The following MARK1 variants were observed in gnomAD, a reference collection of about 807,000 sequenced individuals.
The protein encoded by MARK1 is serine/threonine-protein kinase MARK1.
A neutral mutation model predicts 96.3 loss-of-function variants in MARK1; 40 were observed. The ratio of observed to expected loss-of-function variants is 0.42; its 90% CI spans 0.32 to 0.54. MARK1 has a LOEUF of 0.54. Ranked by LOEUF, MARK1 falls within the 20% of genes least tolerant of loss-of-function variation. The probability of loss-of-function intolerance (pLI) is 0.16; values close to 1 mark genes in which losing one functional copy is unlikely to be tolerated. For missense variants in MARK1, 719 were observed against 984.6 expected (o/e 0.73, Z 3.61); for synonymous variants, 317 against 341.2 (o/e 0.93, Z 0.78).
At chr1:220,586,176 G>A (rs547122400) in intron 3 of MARK1, among the ~76,000 whole-genome samples, 5 of 152,204 alleles carry the variant, frequency 3.3e-5, no homozygotes, top group African/African-American at 1.2e-4. Flanking sequence ...ATGGTATAAA[G>A]GTCCTCACTT....
At chr1:220,579,105 G>C (rs1664058753) in intron 1 of MARK1, among the ~76,000 whole-genome samples, 1 of 152,036 alleles carries the variant, frequency 6.6e-6, no homozygotes, top group Non-Finnish European at 1.5e-5. Flanking sequence ...GCCTCCTTAA[G>C]TGCTGGGATT....
chr1:220,597,252 C>G (rs1207860829), intron 3 of MARK1, among the ~76,000 whole-genome samples: 1 of 152,084 alleles, frequency 6.6e-6, no homozygotes, highest in African/African-American at 2.4e-5. Context: ...ATTACTAAAT[C>G]ATATGGTAAT....
At chr1:220,535,370 GTCT>G (rs1374841169) in intron 1 of MARK1, among the ~76,000 whole-genome samples, 1 of 152,040 alleles carries the variant, frequency 6.6e-6, no homozygotes, top group Non-Finnish European at 1.5e-5. Context: ...CCATTTGTAT[GTCT>G]TCTTTAGAGA....
intron 1 of MARK1, among the ~76,000 whole-genome samples, chr1:220,531,983 A>G (rs971052266): frequency 1.5e-4 from 23 of 152,234 alleles, no homozygotes; most frequent in African/African-American, 5.3e-4. Context: ...CATTACTCTT[A>G]CATGTTTTTT....
At chr1:220,540,938 T>C (rs896846253) in intron 1 of MARK1, among the ~76,000 whole-genome samples, 3 of 148,704 alleles carry the variant, frequency 2.0e-5, no homozygotes, top group African/African-American at 4.9e-5. Flanking sequence ...GTCTCTCTCT[T>C]TTTTTTTTTG....
Position 220,608,189 on chromosome 1 carries a change from T to G in MARK1, c.495+4052T>G, listed in dbSNP as rs534576763. 2.6e-5 allele frequency among the ~76,000 whole-genome samples: 4 copies of G among 152,306 alleles called. No individual in the cohort carries two copies. In the South Asian group the frequency reaches 8.3e-4, roughly 32 times the overall value. ...GCTGTTAATCCATCTGGTCCCGGAC[T>G]TTTTTTGGTTGCTAGGCTATTAATT... On this transcript the variant is annotated intron_variant, in intron 6 of 17. Transcript: ENST00000366917.
intron 13 of MARK1, 121 bp downstream of exon 13, chr1:220,636,147 A>G (rs954727133): frequency 1.4e-6 from 1 of 707,902 alleles, no homozygotes; most frequent in African/African-American, 1.8e-5. Context: ...TATAATTTAA[A>G]GAACATGCAA....
In MARK1 at chr1:220,660,520, T is replaced by G. The variant is rs77406585; in HGVS notation, c.2034-1292T>G. 6.3e-3 allele frequency among the ~76,000 whole-genome samples: 964 copies of G among 152,288 alleles called. 15 individuals carry two copies. The highest frequency in any genetic ancestry group is 0.022 in the African/African-American group (908 of 41,560). Reference sequence around the variant, plus strand: ...AATTTAAAAGATGTATGCAGTAGATTATAAACTCCTTTCAAGGGACTTTTT... The same window carrying G: ...AATTTAAAAGATGTATGCAGTAGATGATAAACTCCTTTCAAGGGACTTTTT... On this transcript the variant is annotated intron_variant, in intron 17 of 17. Coordinates refer to ENST00000366917, the MANE Select transcript of MARK1 (RefSeq NM_018650.5).
chr1:220,626,393 A>C, intron 9 of MARK1: 1 of 549,082 alleles, frequency 1.8e-6, no homozygotes, highest in Non-Finnish European at 3.7e-6. Flanking sequence ...GGCAAAGGCA[A>C]GTATTATGCT....
chr1:220,551,849 A>G (rs1005894119), intron 1 of MARK1, among the ~76,000 whole-genome samples: 1 of 152,190 alleles, frequency 6.6e-6, no homozygotes, highest in Non-Finnish European at 1.5e-5. Context: ...TACTGATTCC[A>G]TATTTCCTTT....
intron 3 of MARK1, among the ~76,000 whole-genome samples, chr1:220,587,967 T>G (rs970951093): frequency 1.3e-5 from 2 of 152,192 alleles, no homozygotes; most frequent in African/African-American, 4.8e-5. Flanking sequence ...AATGTCAAAT[T>G]GCTCTCCAGT....
At chr1:220,590,272 A>G (rs1343329922) in intron 3 of MARK1, among the ~76,000 whole-genome samples, 2 of 152,172 alleles carry the variant, frequency 1.3e-5, no homozygotes, top group African/African-American at 4.8e-5. Flanking sequence ...CTAGATTTGG[A>G]GGGTTATCAT....
At position 220,598,398 on chromosome 1, in the gene MARK1, TTATATA is replaced by T. The variant is rs5781180; in HGVS notation, c.358+34_358+39del. Reference sequence around the variant, plus strand: ...AATATAGGTATGAAATATATATATATTATATATATATATATATATAATTAGCGATGA... The same window carrying T: ...AATATAGGTATGAAATATATATATATTATATATATATATAATTAGCGATGA... On this transcript the variant is annotated intron_variant, in intron 4 of 17. Transcript: ENST00000366917. The T allele has an allele frequency of 9.3e-6, 2 of 213,936 alleles. No homozygotes were observed. Among genetic ancestry groups the T allele is most frequent in the South Asian group, 8.7e-5 (1 of 11,544 alleles). 13.3% of individuals were successfully genotyped at this position (213,936 alleles called of 1,614,324 possible). A position where few individuals can be genotyped will look rare whatever the true frequency, so the allele number is the denominator to read the frequency against.
At chr1:220,607,871 T>G (rs1454528043) in intron 6 of MARK1, among the ~76,000 whole-genome samples, 1 of 152,240 alleles carries the variant, frequency 6.6e-6, no homozygotes, top group African/African-American at 2.4e-5. Context: ...GATTTGCGTA[T>G]ATTGAACTGG....
intron 11 of MARK1, among the ~76,000 whole-genome samples, chr1:220,633,581 A>C (rs572423993): frequency 2.0e-5 from 3 of 152,346 alleles, no homozygotes; most frequent in Middle Eastern, 3.4e-3. Context: ...AGTATGGTAC[A>C]GTATGTGTTC....
chr1:220,546,335 T>C lies in MARK1; in HGVS notation c.51+17462T>C, dbSNP rs73093503. ...CCACACATTTTTCACTGTGGTGGTA[T>C]GTATTGCGAGTATGGTTACAGATGT... On this transcript the variant is annotated intron_variant, in intron 1 of 17. Coordinates refer to ENST00000366917, the MANE Select transcript of MARK1 (RefSeq NM_018650.5). Among the ~76,000 whole-genome samples, 252 of 152,332 alleles carry C rather than the reference T, an allele frequency of 1.7e-3. 2 individuals carry two copies. Among genetic ancestry groups the C allele is most frequent in the African/African-American group, 5.5e-3 (228 of 41,574 alleles).
chr1:220,565,587 G>A (rs954125980), intron 1 of MARK1, among the ~76,000 whole-genome samples: 2 of 152,002 alleles, frequency 1.3e-5, no homozygotes, highest in African/African-American at 4.8e-5. Context: ...AGGGAGGTTG[G>A]AGCAACAAAA....
At chr1:220,604,220 C>A in intron 6 of MARK1, 83 bp downstream of exon 6, 1 of 693,044 alleles carries the variant, frequency 1.4e-6, no homozygotes, top group Non-Finnish European at 2.4e-6. Flanking sequence ...GACTTCACAG[C>A]ACATGGTATT....
intron 1 of MARK1, among the ~76,000 whole-genome samples, chr1:220,558,019 G>A (rs1478325414): frequency 6.6e-6 from 1 of 151,772 alleles, no homozygotes. Context: ...ACTCCCAGCT[G>A]CTCAGGGGGC....
Sources: gnomAD v4.1 joint callset for allele counts (sites outside exome capture counted in the v4.1 genomes callset) on GRCh38, gnomAD v4.1.1 for gene constraint, MANE v1.5 for transcripts, NCBI Gene and HGNC (gene_info 2026-07-23, HGNC 2026-07-21) for gene names.